CDCA7: variants seen among roughly 807,000 people sequenced by gnomAD.
CDCA7 encodes the protein cell division cycle-associated protein 7.
Under a neutral mutation model 54.0 loss-of-function variants are expected in CDCA7, and 28 were observed. That is an observed-to-expected ratio of 0.52 (90% CI 0.38 to 0.71). The LOEUF is 0.71. CDCA7 is among the 30% of genes least tolerant of loss of function. CDCA7 has a pLI of 0.00. For synonymous variants in CDCA7, 180 were observed against 208.2 expected, an observed-to-expected ratio of 0.86 and a Z score of 1.16; for missense variants, 484 against 586.0, an observed-to-expected ratio of 0.83 and a Z score of 1.80.
At position 173,354,881 on chromosome 2, in the gene CDCA7, G is replaced by C. The variant is rs1376131452; in HGVS notation, c.-83G>C. ...CCAGCCTGCCAGCCGCGCTGCTGCT[G>C]CTCCTCCTGCTGTGGGACCGCTGAC... On this transcript the variant is annotated 5_prime_UTR_variant, in exon 1 of 10. Coordinates refer to ENST00000306721, the MANE Select transcript of CDCA7 (RefSeq NM_031942.5). 3.5e-6 allele frequency: 5 copies of C among 1,432,364 alleles called. No homozygotes were observed. Among genetic ancestry groups the C allele is most frequent in the Non-Finnish European group, 4.6e-6 (5 of 1,090,654 alleles). The allele number at this position is 1,432,364 out of a possible 1,614,324, so 88.7% of individuals were successfully genotyped here. A position where few individuals can be genotyped will look rare whatever the true frequency, so the allele number is the denominator to read the frequency against.
At chr2:173,363,010 A>G (rs1361789818) in intron 3 of CDCA7, among the ~76,000 whole-genome samples, 1 of 152,238 alleles carries the variant, frequency 6.6e-6, no homozygotes, top group South Asian at 2.1e-4. Context: ...AGGGACTATG[A>G]AAATAGCTTA....
chr2:173,354,963 C>T lies in CDCA7; in HGVS notation c.-1C>T. 6.9e-7 allele frequency: 1 copy of T among 1,456,092 alleles called. No homozygotes were observed. Among genetic ancestry groups the T allele is most frequent in the Admixed American group, 2.6e-5 (1 of 38,244 alleles). The allele number at this position is 1,456,092 out of a possible 1,614,324, so 90.2% of individuals were successfully genotyped here. On this transcript the variant is annotated 5_prime_UTR_variant, in exon 1 of 10. Transcript: ENST00000306721. ...CGCCGATCTGGGCACCCGCCACCAG[C>T]ATGGACGCTCGCCGCGTGCCGGTGA...
At position 173,360,084 on chromosome 2, in the gene CDCA7, A is replaced by G. The variant is rs560267370; in HGVS notation, c.384+593A>G. Among the ~76,000 whole-genome samples the G allele has an allele frequency of 2.6e-5, 4 of 152,268 alleles. No homozygotes were observed. In the South Asian group the frequency reaches 8.3e-4, roughly 32 times the overall value. On this transcript the variant is annotated intron_variant, in intron 3 of 9. Coordinates refer to ENST00000306721, the MANE Select transcript of CDCA7 (RefSeq NM_031942.5). ...GAGCATACTGCTTAATTCTGCACACATTTTCCTGTTCCAAAGACTTTCTTG... is the reference window on the plus strand; with the variant it reads ...GAGCATACTGCTTAATTCTGCACACGTTTTCCTGTTCCAAAGACTTTCTTG...
chr2:173,355,059 T>C (rs1686468659), intron 1 of CDCA7, 75 bp downstream of exon 1: 2 of 1,264,698 alleles, frequency 1.6e-6, no homozygotes, highest in Admixed American at 4.2e-5. Flanking sequence ...GCCGACCCTC[T>C]CCAACTCCGC....
In CDCA7 at chr2:173,359,509, A is replaced by G. The variant is rs982631479; in HGVS notation, c.384+18A>G. ...ATGGAATGGTGAGTTCGAGAATTTC[A>G]CCAGTTTCAAGAAGTAAGATACATT... On this transcript the variant is annotated intron_variant, in intron 3 of 9. Transcript: ENST00000306721. 2.0e-5 allele frequency: 32 copies of G among 1,599,178 alleles called. No homozygotes were observed. Among genetic ancestry groups the G allele is most frequent in the Non-Finnish European group, 2.7e-5 (31 of 1,166,974 alleles).
chr2:173,365,901 T>A (rs1272976667), intron 7 of CDCA7, among the ~76,000 whole-genome samples: 1 of 152,242 alleles, frequency 6.6e-6, no homozygotes, highest in East Asian at 1.9e-4. Flanking sequence ...TGGAGTGTGG[T>A]GGTACACCAA....
At chr2:173,367,402 G>C (rs1686743937) in intron 9 of CDCA7, 116 bp downstream of exon 9, 1 of 1,478,344 alleles carries the variant, frequency 6.8e-7, no homozygotes, top group African/African-American at 1.4e-5. Context: ...AGACTGACTG[G>C]AACGGGGCAC....
chr2:173,355,908 T>TGG (rs963029471), intron 1 of CDCA7, among the ~76,000 whole-genome samples: 3 of 152,012 alleles, frequency 2.0e-5, no homozygotes, highest in African/African-American at 7.3e-5. Context: ...GCCGCCCCGG[T>TGG]GGAGCTGGGC....
chr2:173,366,405 AG>A lies in CDCA7; in HGVS notation c.1159del (p.Glu387ArgfsTer40). The A allele has an allele frequency of 6.2e-7, 1 of 1,614,206 alleles. No individual in the cohort carries two copies. The highest frequency in any genetic ancestry group is 8.5e-7 in the Non-Finnish European group (1 of 1,180,048). On this transcript the variant is annotated frameshift_variant, in exon 8 of 10. Coordinates refer to ENST00000306721, the MANE Select transcript of CDCA7 (RefSeq NM_031942.5). LOFTEE classifies it high-confidence loss of function. This position sits in a 1 kb window ranked among gnomAD's most constrained non-coding sequence, Gnocchi z 4.5. ...CCTGCCTTCGAAACCGTTATGGTGAAGAGGTCAGGGATGCTCTGCTGGATCC... is the reference window on the plus strand; with the variant it reads ...CCTGCCTTCGAAACCGTTATGGTGAAAGGTCAGGGATGCTCTGCTGGATCC... The part of the protein sequence containing the change: ...GPCLRNRYGE[E>X]VRDALLDPNW...
chr2:173,358,649 AT>A, intron 1 of CDCA7, 62 bp from the exon 2 acceptor site: 3 of 1,555,950 alleles, frequency 1.9e-6, no homozygotes, highest in Non-Finnish European at 2.6e-6. Flanking sequence ...CTAAAAAAAA[AT>A]GATGTCTTTA....
Position 173,366,085 on chromosome 2 carries a change from G to A in CDCA7, c.1036-198G>A, listed in dbSNP as rs542349012. The stretch of plus-strand genomic sequence containing the variant: ...AGCGATCCACTCTCCTCAGTCTCCC[G>A]GAATGCTGGGGTTACAGGTGTGAGC... On this transcript the variant is annotated intron_variant, in intron 7 of 9. Coordinates refer to ENST00000306721, the MANE Select transcript of CDCA7 (RefSeq NM_031942.5). This position sits in a 1 kb window ranked among gnomAD's most constrained non-coding sequence, Gnocchi z 4.5. Among the ~76,000 whole-genome samples the A allele has an allele frequency of 5.9e-5, 9 of 152,182 alleles. 1 individual carries two copies. Among genetic ancestry groups the A allele is most frequent in the Admixed American group, 4.6e-4 (7 of 15,296 alleles).
chr2:173,364,903 C>T lies in CDCA7; in HGVS notation c.808C>T (p.Leu270Phe). 6.2e-7 allele frequency: 1 copy of T among 1,609,898 alleles called. No individual in the cohort carries two copies. Among genetic ancestry groups the T allele is most frequent in the Non-Finnish European group, 8.5e-7 (1 of 1,178,652 alleles). The change falls in exon 6 of 10, where the codon CTT becomes TTT. Residue 270 changes from leucine (L) to phenylalanine (F), a missense_variant. This residue lies in a region of CDCA7 where 398 missense variants were observed against 447.4 expected (regional missense o/e 0.89). Coordinates refer to ENST00000306721, the MANE Select transcript of CDCA7 (RefSeq NM_031942.5). The part of the protein sequence containing the change: ...TRSRSRILGS[L>F]DALPMEEEEE... ...GTCAAGGTCCCGGATCCTCGGGTCC[C>T]TTGACGCTCTACCCATGGAGGAGGA...
chr2:173,367,724 A>G lies in CDCA7; in HGVS notation c.*60A>G, dbSNP rs986546449. Reference sequence around the variant, plus strand: ...CAAATCTTTCTTGTAAAAGTTTCCAATTTTTTCACTGAAACCTGAGTTAAA... The same window carrying G: ...CAAATCTTTCTTGTAAAAGTTTCCAGTTTTTTCACTGAAACCTGAGTTAAA... On this transcript the variant is annotated 3_prime_UTR_variant, in exon 10 of 10. Transcript: ENST00000306721. The G allele has an allele frequency of 3.4e-5, 53 of 1,558,508 alleles. No individual in the cohort carries two copies. The highest frequency in any genetic ancestry group is 1.7e-5 in the Admixed American group (1 of 59,400).
intron 3 of CDCA7, among the ~76,000 whole-genome samples, 175 bp downstream of exon 3, chr2:173,359,666 C>T (rs1457168134): frequency 2.6e-5 from 4 of 152,106 alleles, no homozygotes; most frequent in African/African-American, 4.8e-5. Context: ...CTAATGTAGT[C>T]GGACTTACAA....
chr2:173,364,986 G>A lies in CDCA7; in HGVS notation c.891G>A (p.Met297Ile). ...AGAGGAAGACCGTGGATGGCTACATGAATGTGAGTTCTCCGCATTGGTACT... is the reference window on the plus strand; with the variant it reads ...AGAGGAAGACCGTGGATGGCTACATAAATGTGAGTTCTCCGCATTGGTACT... ...VRKRKTVDGYMNEDDLPRSRR... is the reference protein window; with the variant it reads ...VRKRKTVDGYINEDDLPRSRR... The change falls in exon 6 of 10, where the codon ATG becomes ATA. Residue 297 changes from methionine (M) to isoleucine (I), a missense_variant. Coordinates refer to ENST00000306721, the MANE Select transcript of CDCA7 (RefSeq NM_031942.5). 1 of 1,572,226 alleles carries A rather than the reference G, an allele frequency of 6.4e-7. No individual in the cohort carries two copies. The highest frequency in any genetic ancestry group is 8.6e-7 in the Non-Finnish European group (1 of 1,165,476).
At position 173,367,306 on chromosome 2, in the gene CDCA7, C is replaced by G; in HGVS notation, c.1322+20C>G. The stretch of plus-strand genomic sequence containing the variant: ...GAAAAGGTAGTGGGTGTTTTTTTTT[C>G]CCTTCCACATCTGAATTTTATATTC... On this transcript the variant is annotated intron_variant, in intron 9 of 9. Coordinates refer to ENST00000306721, the MANE Select transcript of CDCA7 (RefSeq NM_031942.5). 1 of 1,610,086 alleles carries G rather than the reference C, an allele frequency of 6.2e-7. No homozygotes were observed. The highest frequency in any genetic ancestry group is 8.5e-7 in the Non-Finnish European group (1 of 1,177,688).
chr2:173,367,313 A>G (rs1202656827), intron 9 of CDCA7, 27 bp downstream of exon 9: 2 of 1,613,406 alleles, frequency 1.2e-6, no homozygotes, highest in East Asian at 2.2e-5. Flanking sequence ...TTTCCCTTCC[A>G]CATCTGAATT....
intron 1 of CDCA7, 84 bp downstream of exon 1, chr2:173,355,068 G>C: frequency 8.0e-7 from 1 of 1,244,172 alleles, no homozygotes; most frequent in Non-Finnish European, 1.0e-6. Flanking sequence ...CTCCAACTCC[G>C]CAGCCTAGCG....
rs769226942 is a variant in CDCA7 at position 173,363,358 on chromosome 2, C to T, written c.517C>T (p.Pro173Ser). 27 of 1,614,018 alleles carry T rather than the reference C, an allele frequency of 1.7e-5. No homozygotes were observed. In the Admixed American group the frequency reaches 4.3e-4, roughly 26 times the overall value. The change falls in exon 4 of 10, where the codon CCC becomes TCC. Residue 173 changes from proline to serine, a missense_variant. Physicochemically the swap from Pro to Ser is moderately conservative, Grantham distance 74 (BLOSUM62 -1). Coordinates refer to ENST00000306721, the MANE Select transcript of CDCA7 (RefSeq NM_031942.5). ...CAACAAAAAAGCAGAGTCCCGCCAG[C>T]CCTCAGAGAATTCTGTGACTGATTC... Reference protein sequence around the residue: ...ATNKKAESRQPSENSVTDSNS... With the variant: ...ATNKKAESRQSSENSVTDSNS...
Sources: allele counts gnomAD v4.1 joint callset (sites outside exome capture counted in the v4.1 genomes callset), GRCh38; gene constraint gnomAD v4.1.1; regional missense constraint gnomAD v4.1.1; non-coding constraint Gnocchi (gnomAD v3.1); transcripts MANE v1.5; gene names NCBI Gene and HGNC (gene_info 2026-07-23, HGNC 2026-07-21).